The following SLC44A3 variants were observed in gnomAD, a reference collection of about 807,000 sequenced individuals.
SLC44A3 encodes the protein choline transporter-like protein 3.
A neutral mutation model predicts 75.4 loss-of-function variants in SLC44A3; 74 were observed. The observed-to-expected ratio is 0.98, with a 90% confidence interval of 0.81 to 1.19. The LOEUF is 1.19. SLC44A3 is among the 50% of genes most tolerant of loss of function. The pLI is 0.00. For synonymous variants in SLC44A3, 310 were observed against 296.9 expected (o/e 1.04, Z -0.45); for missense variants, 700 against 778.6 (o/e 0.90, Z 1.20).
At chr1:94,894,750 C>T in intron 14 of SLC44A3, 68 bp from the exon 15 acceptor site, 1 of 1,340,516 alleles carries the variant, frequency 7.5e-7, no homozygotes, top group South Asian at 1.3e-5. Flanking sequence ...AGAAGTTTTC[C>T]CTCGGCCCCT....
chr1:94,862,584 G>T (rs1666704176), intron 10 of SLC44A3, among the ~76,000 whole-genome samples: 1 of 152,190 alleles, frequency 6.6e-6, no homozygotes, highest in African/African-American at 2.4e-5. Flanking sequence ...GGCACCATTA[G>T]CACTCAAAGC....
chr1:94,882,140 A>G (rs943954832), intron 12 of SLC44A3, among the ~76,000 whole-genome samples: 11 of 152,222 alleles, frequency 7.2e-5, no homozygotes, highest in Non-Finnish European at 1.6e-4. Flanking sequence ...GTCTAAGTTT[A>G]TCTTCTCTAG....
chr1:94,826,610 C>G (rs1661379308), intron 3 of SLC44A3, among the ~76,000 whole-genome samples: 1 of 149,190 alleles, frequency 6.7e-6, no homozygotes, highest in Non-Finnish European at 1.5e-5. Context: ...TGCACTCCAG[C>G]CTGGGTGACA....
intron 9 of SLC44A3, among the ~76,000 whole-genome samples, chr1:94,847,572 C>G (rs756461412): frequency 2.4e-4 from 36 of 152,204 alleles, no homozygotes; most frequent in Non-Finnish European, 4.7e-4. Flanking sequence ...GGTGAAGTCT[C>G]AGCATTGGAT....
At chr1:94,832,547 T>G (rs1461049679) in intron 5 of SLC44A3, among the ~76,000 whole-genome samples, 1 of 152,236 alleles carries the variant, frequency 6.6e-6, no homozygotes, top group Non-Finnish European at 1.5e-5. Flanking sequence ...TCTTTAAATT[T>G]ATTCAGTGGG....
chr1:94,828,542 T>G lies in SLC44A3; in HGVS notation c.465T>G (p.Ser155Arg). The G allele has an allele frequency of 1.2e-6, 2 of 1,613,934 alleles. No individual in the cohort carries two copies. The highest frequency in any genetic ancestry group is 2.2e-5 in the South Asian group (2 of 90,996). Residue 155 changes from serine (S) to arginine (R), a missense_variant, in exon 5 of 15, where the codon AGT becomes AGG. By Grantham distance (110) the Ser-to-Arg change is moderately radical. Coordinates refer to ENST00000271227, the MANE Select transcript of SLC44A3 (RefSeq NM_001114106.3). Reference sequence around the variant, plus strand: ...TGAATTCCTTCAACTATACCCACAGTCCAAAAGCAGACTCACTGTGTCCCA... The same window carrying G: ...TGAATTCCTTCAACTATACCCACAGGCCAAAAGCAGACTCACTGTGTCCCA... ...YSLNSFNYTH[S>R]PKADSLCPRL... is the part of the protein sequence containing the mutation.
At chr1:94,851,642 A>G (rs1665226898) in intron 9 of SLC44A3, among the ~76,000 whole-genome samples, 2 of 152,216 alleles carry the variant, frequency 1.3e-5, no homozygotes, top group African/African-American at 4.8e-5. Context: ...TGAAGAACTC[A>G]TATATTGCAG....
intron 9 of SLC44A3, among the ~76,000 whole-genome samples, chr1:94,848,499 C>G (rs189763261): frequency 2.0e-5 from 3 of 152,310 alleles, no homozygotes; most frequent in Admixed American, 6.5e-5. Context: ...AAGGACCCTC[C>G]TCTTCCCACC....
Position 94,894,938 on chromosome 1 carries a change from T to A in SLC44A3, c.*16T>A. ...TGTGAGATAGATACCCATTTAGGTA[T>A]CTGTACCTGGAAAACATTTCCTTCT... On this transcript the variant is annotated 3_prime_UTR_variant, in exon 15 of 15. Transcript: ENST00000271227. The A allele has an allele frequency of 6.3e-7, 1 of 1,582,724 alleles. No individual in the cohort carries two copies. Among genetic ancestry groups the A allele is most frequent in the Non-Finnish European group, 8.6e-7 (1 of 1,157,680 alleles).
chr1:94,848,701 T>A (rs1305045049), intron 9 of SLC44A3, among the ~76,000 whole-genome samples: 1 of 152,028 alleles, frequency 6.6e-6, no homozygotes, highest in African/African-American at 2.4e-5. Flanking sequence ...GGAACAGGAT[T>A]GAGGTCGACT....
At chr1:94,859,771 T>A (rs1666354452) in intron 10 of SLC44A3, among the ~76,000 whole-genome samples, 1 of 151,776 alleles carries the variant, frequency 6.6e-6, no homozygotes, top group Non-Finnish European at 1.5e-5. Flanking sequence ...TGAAATGAGG[T>A]CCCCCACATA....
intron 7 of SLC44A3, among the ~76,000 whole-genome samples, chr1:94,840,665 C>A (rs1302994000): frequency 1.3e-5 from 2 of 152,304 alleles, no homozygotes; most frequent in East Asian, 3.9e-4. Flanking sequence ...GTATCCATAA[C>A]GTTAAAAGAG....
intron 9 of SLC44A3, among the ~76,000 whole-genome samples, chr1:94,852,357 G>A (rs1665322741): frequency 6.6e-6 from 1 of 152,198 alleles, no homozygotes; most frequent in African/African-American, 2.4e-5. Flanking sequence ...AGGTGATGAT[G>A]CAGAAAGATT....
intron 1 of SLC44A3, 178 bp from the exon 2 acceptor site, chr1:94,820,771 G>A (rs1049899504): frequency 1.4e-6 from 2 of 1,403,452 alleles, no homozygotes; most frequent in African/African-American, 1.4e-5. Flanking sequence ...GCGCAGAGCA[G>A]GTGTTTCAAA....
chr1:94,867,652 T>C (rs1667318732), intron 12 of SLC44A3, among the ~76,000 whole-genome samples: 1 of 152,280 alleles, frequency 6.6e-6, no homozygotes, highest in African/African-American at 2.4e-5. Flanking sequence ...CCTTAACTTA[T>C]CAACACTGAA....
At chr1:94,835,294 A>G (rs1323369814) in intron 5 of SLC44A3, among the ~76,000 whole-genome samples, 1 of 152,202 alleles carries the variant, frequency 6.6e-6, no homozygotes, top group Non-Finnish European at 1.5e-5. Context: ...TACAAAAAAC[A>G]TAAACTGTCA....
At chr1:94,864,075 G>T (rs943033488) in intron 10 of SLC44A3, among the ~76,000 whole-genome samples, 1 of 152,170 alleles carries the variant, frequency 6.6e-6, no homozygotes, top group Non-Finnish European at 1.5e-5. Flanking sequence ...GAGAGTGATG[G>T]CTGTGCCCAT....
At chr1:94,886,130 A>G (rs1302745337) in intron 12 of SLC44A3, among the ~76,000 whole-genome samples, 1 of 152,202 alleles carries the variant, frequency 6.6e-6, no homozygotes, top group Non-Finnish European at 1.5e-5. Context: ...CAATGGCTGC[A>G]TGGCCACCAC....
At chr1:94,841,881 GC>G (rs1663694951) in intron 7 of SLC44A3, 118 bp from the exon 8 acceptor site, 8 of 1,375,886 alleles carry the variant, frequency 5.8e-6, no homozygotes, top group Admixed American at 2.6e-5. Context: ...GGGACCCACT[GC>G]CAGAGCAGTG....
Sources: gnomAD v4.1 joint callset for allele counts (sites outside exome capture counted in the v4.1 genomes callset) on GRCh38, gnomAD v4.1.1 for gene constraint, MANE v1.5 for transcripts, NCBI Gene and HGNC (gene_info 2026-07-23, HGNC 2026-07-21) for gene names.